Variants in FLRT3 observed in about 807,000 individuals in gnomAD.
FLRT3 encodes fibronectin leucine rich transmembrane protein 3.
In FLRT3, 17 loss-of-function variants were observed where a neutral mutation model predicts 42.6. The ratio of observed to expected loss-of-function variants is 0.40; its 90% confidence interval spans 0.27 to 0.60. The LOEUF (loss-of-function observed/expected upper bound fraction) is 0.60, where lower values mean the gene tolerates loss of function less well. Ranked by LOEUF, FLRT3 falls within the 20% of genes least tolerant of loss-of-function variation. FLRT3 has a pLI of 0.44. For missense variants in FLRT3, 635 were observed against 789.2 expected, an observed-to-expected ratio of 0.80 and a Z score of 2.34; for synonymous variants, 279 against 286.4, an observed-to-expected ratio of 0.97 and a Z score of 0.26.
rs778346237 is a variant in FLRT3 at position 14,325,553 on chromosome 20, A to G, written c.*4T>C. The G allele has an allele frequency of 5.0e-6, 8 of 1,603,378 alleles. No homozygotes were observed. Among genetic ancestry groups the G allele is most frequent in the Non-Finnish European group, 4.3e-6 (5 of 1,174,066 alleles). On this transcript the variant is annotated 3_prime_UTR_variant, in exon 3 of 3. Coordinates refer to ENST00000341420, the MANE Select transcript of FLRT3 (RefSeq NM_198391.3). ...AACACAAGTCTGCTGTGAGTCCTTC[A>G]GCATCATGAGTGTGAGTGATCTGAG...
intron 1 of FLRT3, among the ~76,000 whole-genome samples, chr20:14,331,856 G>A (rs2082847838): frequency 6.6e-6 from 1 of 152,014 alleles, no homozygotes; most frequent in Non-Finnish European, 1.5e-5. Flanking sequence ...ATGATGAAAA[G>A]AAAAATGACC....
At position 14,325,673 on chromosome 20, in the gene FLRT3, G is replaced by A; in HGVS notation, c.1834C>T (p.His612Tyr). 6.2e-7 allele frequency: 1 copy of A among 1,613,802 alleles called. No homozygotes were observed. The highest frequency in any genetic ancestry group is 8.5e-7 in the Non-Finnish European group (1 of 1,179,784). Reference sequence around the variant, plus strand: ...ATTCCATTAGGAGGAAATATGGTGTGTATTACAAACTCCTCCTTCGAGATG... The same window carrying A: ...ATTCCATTAGGAGGAAATATGGTGTATATTACAAACTCCTCCTTCGAGATG... The part of the protein sequence containing the change: ...EPISKEEFVI[H>Y]TIFPPNGMNL... The change falls in exon 3 of 3, where the codon CAC becomes TAC. Residue 612 changes from histidine (H) to tyrosine (Y), a missense_variant. His to Tyr is a moderately conservative substitution (Grantham distance 83). Transcript: ENST00000341420.
rs377483086 is a variant in FLRT3 at position 14,326,622 on chromosome 20, G to T, written c.885C>A (p.Asp295Glu). 2 of 1,613,672 alleles carry T rather than the reference G, an allele frequency of 1.2e-6. No individual in the cohort carries two copies. The highest frequency in any genetic ancestry group is 2.7e-5 in the African/African-American group (2 of 74,870). The stretch of plus-strand genomic sequence containing the variant: ...TGCGAAGAATCAGTTGTGTTATATT[G>T]TCCAAATCATCAAAGATACCCTGAG... ...NLPQGIFDDL[D>E]NITQLILRNN... Residue 295 changes from aspartate (D) to glutamate (E), a missense_variant, in exon 3 of 3, where the codon GAC (aspartate) becomes GAA (glutamate). Physicochemically the swap from Asp to Glu is conservative, Grantham distance 45 (BLOSUM62 2). Transcript: ENST00000341420. This position sits in a 1 kb window ranked among gnomAD's most constrained non-coding sequence, Gnocchi z 5.5.
At chr20:14,337,357 G>C in intron 1 of FLRT3, 47 bp downstream of exon 1, 2 of 301,064 alleles carry the variant, frequency 6.6e-6, no homozygotes, top group Non-Finnish European at 1.2e-5. Context: ...GTAAAACCAA[G>C]CAAACTTTCT....
chr20:14,327,275 C>T lies in FLRT3; in HGVS notation c.232G>A (p.Asp78Asn). ...TCTACTTTCAGCAAGTTTTTCAAAT[C>T]TGAAGGAATCCCAGCATTATTTATT... Reference protein sequence around the residue: ...NQINNAGIPSDLKNLLKVERI... With the variant: ...NQINNAGIPSNLKNLLKVERI... Residue 78 changes from aspartate to asparagine, a missense_variant, in exon 3 of 3, where the codon GAT (aspartate) becomes AAT (asparagine). Transcript: ENST00000341420. 3 of 1,613,806 alleles carry T rather than the reference C, an allele frequency of 1.9e-6. No homozygotes were observed. Among genetic ancestry groups the T allele is most frequent in the Non-Finnish European group, 2.5e-6 (3 of 1,179,780 alleles).
In FLRT3 at chr20:14,337,490, C is replaced by G; in HGVS notation, c.-333G>C. ...GTGAATTGGAGTAATAGCCCTCCCCCGTCTCCCAAGCTCTGCGTCCAGTCC... is the reference window on the plus strand; with the variant it reads ...GTGAATTGGAGTAATAGCCCTCCCCGGTCTCCCAAGCTCTGCGTCCAGTCC... On this transcript the variant is annotated 5_prime_UTR_variant, in exon 1 of 3. Transcript: ENST00000341420. 1 of 398,322 alleles carries G rather than the reference C, an allele frequency of 2.5e-6. No homozygotes were observed. The highest frequency in any genetic ancestry group is 4.4e-6 in the Non-Finnish European group (1 of 226,026). 24.7% of individuals were successfully genotyped at this position (398,322 alleles called of 1,614,324 possible).
chr20:14,330,626 A>T (rs1291317476), intron 1 of FLRT3, among the ~76,000 whole-genome samples: 1 of 152,134 alleles, frequency 6.6e-6, no homozygotes, highest in Non-Finnish European at 1.5e-5. Context: ...AATTACAGAT[A>T]CATATAATTT....
rs1202017402 is a variant in FLRT3, at chr20:14,325,803, C to A, written c.1704G>T (p.Gly568=). 1.2e-6 allele frequency: 2 copies of A among 1,613,814 alleles called. No individual in the cohort carries two copies. Among genetic ancestry groups the A allele is most frequent in the Non-Finnish European group, 1.7e-6 (2 of 1,179,872 alleles). Residue 568 remains glycine, a synonymous_variant, in exon 3 of 3, where the codon GGG becomes GGT. Coordinates refer to ENST00000341420, the MANE Select transcript of FLRT3 (RefSeq NM_198391.3). ...LFSRNCAYSK[G]RRRKDDYAEA... is the part of the protein sequence containing the mutation. ...CTGCATAGTCATCCTTTCTTCTCCT[C>A]CCTTTGCTATATGCACAGTTCCTTG...
At chr20:14,331,347 A>G (rs1018637657) in intron 1 of FLRT3, among the ~76,000 whole-genome samples, 7 of 152,082 alleles carry the variant, frequency 4.6e-5, no homozygotes, top group Non-Finnish European at 1.0e-4. Flanking sequence ...CGGAAGATTA[A>G]TTTGTTTATT....
At chr20:14,332,480 A>G (rs926534268) in intron 1 of FLRT3, among the ~76,000 whole-genome samples, 1 of 152,168 alleles carries the variant, frequency 6.6e-6, no homozygotes, top group African/African-American at 2.4e-5. Flanking sequence ...TTAGATTAAG[A>G]TGAAGCTGTA....
At position 14,323,764 on chromosome 20, in the gene FLRT3, T is replaced by A. The variant is rs1448456033; in HGVS notation, c.*1793A>T. 1 of 152,186 alleles carries A rather than the reference T, an allele frequency of 6.6e-6. No individual in the cohort carries two copies. Among genetic ancestry groups the A allele is most frequent in the East Asian group, 1.9e-4 (1 of 5,192 alleles). 9.4% of individuals were successfully genotyped at this position (152,186 alleles called of 1,614,324 possible). A position where few individuals can be genotyped will look rare whatever the true frequency, so the allele number is the denominator to read the frequency against. On this transcript the variant is annotated 3_prime_UTR_variant, in exon 3 of 3. Coordinates refer to ENST00000341420, the MANE Select transcript of FLRT3 (RefSeq NM_198391.3). The stretch of plus-strand genomic sequence containing the variant: ...CAGGGACAAAGAGAAAGTGTGTATT[T>A]CACAGTATCACAAATGCCAACTCAC...
In FLRT3 at chr20:14,327,038, G is replaced by T. The variant is rs1486368839; in HGVS notation, c.469C>A (p.Arg157=). The T allele has an allele frequency of 6.2e-7, 1 of 1,613,556 alleles. No homozygotes were observed. The highest frequency in any genetic ancestry group is 1.3e-5 in the African/African-American group (1 of 74,866). Residue 157 remains arginine, a synonymous_variant, in exon 3 of 3, where the codon CGA becomes AGA. Coordinates refer to ENST00000341420, the MANE Select transcript of FLRT3 (RefSeq NM_198391.3). ...EGAFRDSNYL[R]LLFLSRNHLS... ...TGATTACGGGACAGGAAAAGCAGTC[G>T]GAGATAGTTGCTGTCTCGGAATGCT...
intron 1 of FLRT3, among the ~76,000 whole-genome samples, chr20:14,333,534 G>A (rs2082881342): frequency 6.6e-6 from 1 of 152,078 alleles, no homozygotes; most frequent in African/African-American, 2.4e-5. Flanking sequence ...TGGGGTGGGG[G>A]CATGCTTTAA....
chr20:14,325,936 T>G lies in FLRT3; in HGVS notation c.1571A>C (p.Asn524Thr). Residue 524 changes from asparagine to threonine, a missense_variant, in exon 3 of 3, where the codon AAC (asparagine) becomes ACC (threonine). Transcript: ENST00000341420. The stretch of plus-strand genomic sequence containing the variant: ...GATGGCAGCCAAAGGTAAATTGGGG[T>G]TTTTGTAAGGTTCTTTCTCTTGCTC... Reference protein sequence around the residue: ...NREQEKEPYKNPNLPLAAIIG... With the variant: ...NREQEKEPYKTPNLPLAAIIG... 1 of 1,613,750 alleles carries G rather than the reference T, an allele frequency of 6.2e-7. No homozygotes were observed. The highest frequency in any genetic ancestry group is 1.1e-5 in the South Asian group (1 of 91,074).
chr20:14,326,622 G>A lies in FLRT3; in HGVS notation c.885C>T (p.Asp295=). The A allele has an allele frequency of 6.2e-7, 1 of 1,613,790 alleles. No individual in the cohort carries two copies. The highest frequency in any genetic ancestry group is 8.5e-7 in the Non-Finnish European group (1 of 1,179,832). Residue 295 remains aspartate, a synonymous_variant, in exon 3 of 3, where the codon GAC becomes GAT. Transcript: ENST00000341420. This position sits in a 1 kb window ranked among gnomAD's most constrained non-coding sequence, Gnocchi z 5.5. Reference sequence around the variant, plus strand: ...TGCGAAGAATCAGTTGTGTTATATTGTCCAAATCATCAAAGATACCCTGAG... The same window carrying A: ...TGCGAAGAATCAGTTGTGTTATATTATCCAAATCATCAAAGATACCCTGAG... ...NLPQGIFDDL[D]NITQLILRNN...
Position 14,325,847 on chromosome 20 carries a change from T to C in FLRT3, c.1660A>G (p.Arg554Gly), listed in dbSNP as rs1413868947. 22 of 1,613,932 alleles carry C rather than the reference T, an allele frequency of 1.4e-5. No individual in the cohort carries two copies. Among genetic ancestry groups the C allele is most frequent in the Non-Finnish European group, 1.9e-5 (22 of 1,179,874 alleles). Residue 554 changes from arginine to glycine, a missense_variant, in exon 3 of 3, where the codon AGG becomes GGG. Coordinates refer to ENST00000341420, the MANE Select transcript of FLRT3 (RefSeq NM_198391.3). ...LLALVCWYVH[R>G]NGSLFSRNCA... is the part of the protein sequence containing the mutation. ...TTCCTTGAGAAGAGCGATCCATTCC[T>C]ATGAACATACCAACACACTAAAGCA...
rs1000722305 is a variant in FLRT3, at chr20:14,325,782, A to G, written c.1725T>C (p.Tyr575=). 6.2e-7 allele frequency: 1 copy of G among 1,613,924 alleles called. No homozygotes were observed. Among genetic ancestry groups the G allele is most frequent in the Non-Finnish European group, 8.5e-7 (1 of 1,179,876 alleles). Residue 575 remains tyrosine (Y), a synonymous_variant, in exon 3 of 3, where the codon TAT becomes TAC. Transcript: ENST00000341420. ...YSKGRRRKDD[Y]AEAGTKKDNS... is the part of the protein sequence containing the mutation. ...TGTCCTTCTTAGTGCCAGCTTCTGC[A>G]TAGTCATCCTTTCTTCTCCTCCCTT...
chr20:14,323,043 G>A lies in FLRT3; in HGVS notation c.*2514C>T, dbSNP rs1197556665. On this transcript the variant is annotated 3_prime_UTR_variant, in exon 3 of 3. Coordinates refer to ENST00000341420, the MANE Select transcript of FLRT3 (RefSeq NM_198391.3). ...CAACAATAATCAACATAGAAGACTT[G>A]TCTTAACAAGTTTTGCCCCATACAC... 1.3e-5 allele frequency: 2 copies of A among 152,148 alleles called. No homozygotes were observed. The highest frequency in any genetic ancestry group is 4.8e-5 in the African/African-American group (2 of 41,432). 9.4% of individuals were successfully genotyped at this position (152,148 alleles called of 1,614,324 possible).
chr20:14,326,209 A>G lies in FLRT3; in HGVS notation c.1298T>C (p.Met433Thr). 4 of 1,613,964 alleles carry G rather than the reference A, an allele frequency of 2.5e-6. No individual in the cohort carries two copies. Among genetic ancestry groups the G allele is most frequent in the Non-Finnish European group, 3.4e-6 (4 of 1,179,894 alleles). Residue 433 changes from methionine (M) to threonine (T), a missense_variant, in exon 3 of 3, where the codon ATG becomes ACG. Coordinates refer to ENST00000341420, the MANE Select transcript of FLRT3 (RefSeq NM_198391.3). This position sits in a 1 kb window ranked among gnomAD's most constrained non-coding sequence, Gnocchi z 5.5. ...IHISWKLALP[M>T]TALRLSWLKL... is the part of the protein sequence containing the mutation. ...AAGCCAGCTGAGTCTCAAAGCAGTC[A>G]TAGGTAGAGCAAGTTTCCAAGAGAT...
Sources: allele counts gnomAD v4.1 joint callset (sites outside exome capture counted in the v4.1 genomes callset), GRCh38; gene constraint gnomAD v4.1.1; non-coding constraint Gnocchi (gnomAD v3.1); transcripts MANE v1.5; gene names NCBI Gene and HGNC (gene_info 2026-07-23, HGNC 2026-07-21).